The following CEACAM5 variants were observed in gnomAD, a reference collection of about 807,000 sequenced individuals.
CEACAM5 encodes the protein cell adhesion molecule CEACAM5.
A neutral mutation model predicts 63.0 loss-of-function variants in CEACAM5; 52 were observed. That is an observed-to-expected ratio of 0.83 (90% CI 0.66 to 1.04). The LOEUF is 1.04. CEACAM5 is among the 50% of genes least tolerant of loss of function. CEACAM5 has a pLI of 0.00. For synonymous variants in CEACAM5, 357 were observed against 351.3 expected, an observed-to-expected ratio of 1.02 and a Z score of -0.18; for missense variants, 790 against 864.8, an observed-to-expected ratio of 0.91 and a Z score of 1.08.
Position 41,718,302 on chromosome 19 carries a change from A to G in CEACAM5, c.1412A>G (p.Asn471Ser), listed in dbSNP as rs1555815446. Residue 471 changes from asparagine (N) to serine (S), a missense_variant, in exon 6 of 10, where the codon AAC (asparagine) becomes AGC (serine). By Grantham distance (46) the Asn-to-Ser change is conservative. Transcript: ENST00000221992. Reference protein sequence around the residue: ...ELFISNITEKNSGLYTCQANN... With the variant: ...ELFISNITEKSSGLYTCQANN... ...TTTATCTCCAACATCACTGAGAAGAACAGCGGACTCTATACCTGCCAGGCC... is the reference window on the plus strand; with the variant it reads ...TTTATCTCCAACATCACTGAGAAGAGCAGCGGACTCTATACCTGCCAGGCC... The G allele has an allele frequency of 3.1e-6, 5 of 1,614,184 alleles. No homozygotes were observed. The Admixed American group carries it at 8.3e-5, about 27-fold the overall frequency.
rs781785176 is a variant in CEACAM5 at position 41,709,846 on chromosome 19, TC to T, written c.232del (p.Gln78LysfsTer3). 1 of 1,613,920 alleles carries T rather than the reference TC, an allele frequency of 6.2e-7. No homozygotes were observed. The highest frequency in any genetic ancestry group is 8.5e-7 in the Non-Finnish European group (1 of 1,179,978). ...YKGERVDGNR[Q>X]IIGYVIGTQQ... The stretch of plus-strand genomic sequence containing the variant: ...AAGGTGAAAGAGTGGATGGCAACCG[TC>T]AAATTATAGGATATGTAATAGGAAC... On this transcript the variant is annotated frameshift_variant, in exon 2 of 10. Coordinates refer to ENST00000221992, the MANE Select transcript of CEACAM5 (RefSeq NM_004363.6). LOFTEE classifies it high-confidence loss of function.
rs2072752203 is a variant in CEACAM5, at chr19:41,730,215, TC to T, written c.*1070del. 6.6e-6 allele frequency among the ~76,000 whole-genome samples: 1 copy of T among 152,024 alleles called. No homozygotes were observed. Among genetic ancestry groups the T allele is most frequent in the Non-Finnish European group, 1.5e-5 (1 of 67,986 alleles). ...GCGGGCGGATCACGAGGTCAGGAGA[TC>T]CAGACCATCCTGGCTAACACAGTGA... On this transcript the variant is annotated 3_prime_UTR_variant, in exon 10 of 10. Transcript: ENST00000221992.
intron 1 of CEACAM5, among the ~76,000 whole-genome samples, chr19:41,709,417 C>T (rs1463542774): frequency 1.3e-5 from 2 of 152,018 alleles, no homozygotes; most frequent in African/African-American, 4.8e-5. Context: ...GTGAGCAGGA[C>T]CTGAAGGCAA....
chr19:41,709,658 G>T, intron 1 of CEACAM5, 22 bp from the exon 2 acceptor site: 1 of 1,604,160 alleles, frequency 6.2e-7, no homozygotes, highest in Non-Finnish European at 8.5e-7. Context: ...AATATTGACC[G>T]ATGCTCTCTG....
chr19:41,717,517 G>A lies in CEACAM5; in HGVS notation c.1021G>A (p.Val341Ile), dbSNP rs1555815252. 1.2e-6 allele frequency: 2 copies of A among 1,614,218 alleles called. No individual in the cohort carries two copies. The highest frequency in any genetic ancestry group is 1.1e-5 in the South Asian group (1 of 91,088). ...NSNPVEDEDA[V>I]ALTCEPEIQN... ...CAACCCCGTGGAGGATGAGGATGCT[G>A]TAGCCTTAACCTGTGAACCTGAGAT... is the stretch of plus-strand genomic sequence containing the variant. The change falls in exon 5 of 10, where the codon GTA becomes ATA. Residue 341 changes from valine to isoleucine, a missense_variant. Physicochemically the swap from Val to Ile is conservative, Grantham distance 29. Coordinates refer to ENST00000221992, the MANE Select transcript of CEACAM5 (RefSeq NM_004363.6).
In CEACAM5 at chr19:41,708,770, C is replaced by A. The variant is rs200391100; in HGVS notation, c.39C>A (p.Ile13=). The stretch of plus-strand genomic sequence containing the variant: ...CGGCCCCTCCCCACAGATGGTGCAT[C>A]CCCTGGCAGAGGCTCCTGCTCACAG... ...SPSAPPHRWC[I]PWQRLLLTAS... Residue 13 remains isoleucine (I), a synonymous_variant, in exon 1 of 10, where the codon ATC becomes ATA. Coordinates refer to ENST00000221992, the MANE Select transcript of CEACAM5 (RefSeq NM_004363.6). 1.9e-6 allele frequency: 3 copies of A among 1,612,048 alleles called. No individual in the cohort carries two copies. Among genetic ancestry groups the A allele is most frequent in the Admixed American group, 1.7e-5 (1 of 59,670 alleles).
chr19:41,725,466 G>T (rs2072687334), intron 8 of CEACAM5, among the ~76,000 whole-genome samples: 2 of 151,430 alleles, frequency 1.3e-5, no homozygotes, highest in African/African-American at 4.9e-5. Flanking sequence ...AACCTCCAAG[G>T]CTCAAGTGAT....
Position 41,719,931 on chromosome 19 carries a change from G to A in CEACAM5, c.1494G>A (p.Ala498=), listed in dbSNP as rs376406178. The A allele has an allele frequency of 4.3e-5, 69 of 1,614,006 alleles. No homozygotes were observed. Among genetic ancestry groups the A allele is most frequent in the African/African-American group, 5.3e-5 (4 of 74,900 alleles). ...RTTVKTITVS[A]ELPKPSISSN... ...ATCTTCTCTCTGTTATCTGCACAGC[G>A]GAGCTGCCCAAGCCCTCCATCTCCA... The change falls in exon 7 of 10, where the codon GCG becomes GCA. Residue 498 remains alanine, a splice_region_variant and synonymous_variant. Transcript: ENST00000221992.
chr19:41,717,131 A>G (rs10406461), intron 4 of CEACAM5, among the ~76,000 whole-genome samples: 8,108 of 152,300 alleles, frequency 0.053, 726 homozygotes, highest in African/African-American at 0.19. Flanking sequence ...TGAGGACCCC[A>G]ATGGGCCAGG....
chr19:41,720,360 G>A, intron 7 of CEACAM5, 152 bp downstream of exon 7: 2 of 1,031,852 alleles, frequency 1.9e-6, no homozygotes, highest in Admixed American at 2.4e-5. Context: ...AGGAAAATTT[G>A]GGCAACCTCA....
Position 41,716,742 on chromosome 19 carries a change from G to GT in CEACAM5, c.959-712dup, listed in dbSNP as rs112782565. Among the ~76,000 whole-genome samples, 80 of 152,316 alleles carry GT rather than the reference G, an allele frequency of 5.3e-4. 1 individual carries two copies. Among genetic ancestry groups the GT allele is most frequent in the African/African-American group, 1.9e-3 (79 of 41,564 alleles). On this transcript the variant is annotated intron_variant, in intron 4 of 9. Coordinates refer to ENST00000221992, the MANE Select transcript of CEACAM5 (RefSeq NM_004363.6). ...CAAAAATCGTGTGTTTATACAGATGGTAACAGTACATATCTAACACAAACT... is the reference window on the plus strand; with the variant it reads ...CAAAAATCGTGTGTTTATACAGATGGTTAACAGTACATATCTAACACAAACT...
chr19:41,720,178 C>G lies in CEACAM5; in HGVS notation c.1741C>G (p.Arg581Gly), dbSNP rs141974793. ...CGIQNSVSAN[R>G]SDPVTLDVLY... ...AATCCAGAACTCAGTGAGTGCAAAC[C>G]GCAGTGACCCAGTCACCCTGGATGT... The change falls in exon 7 of 10, where the codon CGC (arginine) becomes GGC (glycine). Residue 581 changes from arginine to glycine, a missense_variant. Physicochemically the swap from Arg to Gly is moderately radical, Grantham distance 125 (BLOSUM62 -2). Transcript: ENST00000221992. 1 of 1,614,182 alleles carries G rather than the reference C, an allele frequency of 6.2e-7. No individual in the cohort carries two copies.
chr19:41,710,235 C>A (rs1430606108), intron 2 of CEACAM5, among the ~76,000 whole-genome samples, 196 bp downstream of exon 2: 4 of 152,166 alleles, frequency 2.6e-5, no homozygotes, highest in Non-Finnish European at 5.9e-5. Flanking sequence ...CCAGACCCTG[C>A]AGACACTCAC....
chr19:41,719,568 C>T (rs2072583201), intron 6 of CEACAM5, among the ~76,000 whole-genome samples: 1 of 152,190 alleles, frequency 6.6e-6, no homozygotes, highest in Non-Finnish European at 1.5e-5. Flanking sequence ...TGGTGTGGGA[C>T]CGTGCAGCTG....
chr19:41,717,191 A>C (rs1237578822), intron 4 of CEACAM5, among the ~76,000 whole-genome samples: 1 of 152,254 alleles, frequency 6.6e-6, no homozygotes, highest in East Asian at 1.9e-4. Flanking sequence ...TGTGACCCCC[A>C]GCCCTGTGTC....
rs782160472 is a variant in CEACAM5 at position 41,718,375 on chromosome 19, A to G, written c.1485A>G (p.Thr495=). 8.1e-6 allele frequency: 13 copies of G among 1,614,022 alleles called. No homozygotes were observed. The highest frequency in any genetic ancestry group is 1.1e-5 in the Non-Finnish European group (13 of 1,179,996). The change falls in exon 6 of 10, where the codon ACA becomes ACG. Residue 495 remains threonine (T), a synonymous_variant. Transcript: ENST00000221992. The part of the protein sequence containing the change: ...GHSRTTVKTI[T]VSAELPKPSI... Reference sequence around the variant, plus strand: ...GCAGGACTACAGTCAAGACAATCACAGTCTCTGGTAAGTGGATCCCTGGAC... The same window carrying G: ...GCAGGACTACAGTCAAGACAATCACGGTCTCTGGTAAGTGGATCCCTGGAC...
intron 3 of CEACAM5, 135 bp downstream of exon 3, chr19:41,715,384 T>A: frequency 7.1e-7 from 1 of 1,406,354 alleles, no homozygotes; most frequent in East Asian, 2.3e-5. Flanking sequence ...TGTGACTTTC[T>A]GCCCCAGAAA....
chr19:41,714,272 C>T (rs745970523), intron 2 of CEACAM5, among the ~76,000 whole-genome samples: 1 of 152,188 alleles, frequency 6.6e-6, no homozygotes, highest in Non-Finnish European at 1.5e-5. Flanking sequence ...ATCCGGGCAG[C>T]TCCTGCCTGT....
At chr19:41,713,216 A>T (rs1339685508) in intron 2 of CEACAM5, among the ~76,000 whole-genome samples, 1 of 152,156 alleles carries the variant, frequency 6.6e-6, no homozygotes, top group Non-Finnish European at 1.5e-5. Flanking sequence ...GAGGCAGGAG[A>T]ATCGCTTGAA....
Sources: allele counts gnomAD v4.1 joint callset (sites outside exome capture counted in the v4.1 genomes callset), GRCh38; gene constraint gnomAD v4.1.1; transcripts MANE v1.5; gene names NCBI Gene and HGNC (gene_info 2026-07-23, HGNC 2026-07-21).